Variants in EPB41L3 observed in about 807,000 individuals in gnomAD.
EPB41L3 encodes band 4.1-like protein 3.
Under a neutral mutation model 127.1 loss-of-function variants are expected in EPB41L3, and 57 were observed. The observed-to-expected ratio is 0.45, with a 90% CI of 0.36 to 0.56. The LOEUF (loss-of-function observed/expected upper bound fraction) is 0.56, where lower values mean the gene tolerates loss of function less well. Ranked by LOEUF, EPB41L3 falls within the 20% of genes least tolerant of loss-of-function variation. The probability of loss-of-function intolerance (pLI) is 0.00; values close to 1 mark genes in which losing one functional copy is unlikely to be tolerated. For missense variants in EPB41L3, 1,273 were observed against 1,372.2 expected, an observed-to-expected ratio of 0.93 and a Z score of 1.14; for synonymous variants, 572 against 549.5, an observed-to-expected ratio of 1.04 and a Z score of -0.57.
At position 5,433,969 on chromosome 18, in the gene EPB41L3, A is replaced by G; in HGVS notation, c.758T>C (p.Phe253Ser). The G allele has an allele frequency of 6.2e-7, 1 of 1,614,152 alleles. No homozygotes were observed. Among genetic ancestry groups the G allele is most frequent in the Non-Finnish European group, 8.5e-7 (1 of 1,180,030 alleles). ...TTTAGTGTGGTTTGGTGCAAAGCGG[A>G]ACTCACTAATGTAATCGCTCCCACA... is the stretch of plus-strand genomic sequence containing the variant. ...DECGSDYISE[F>S]RFAPNHTKEL... Residue 253 changes from phenylalanine (F) to serine (S), a missense_variant, in exon 7 of 23, where the codon TTC becomes TCC. Physicochemically the swap from Phe to Ser is radical, Grantham distance 155. Around this residue, in one of 3 missense-constraint regions of EPB41L3, gnomAD observed 326 missense variants for 440.2 expected, o/e 0.74. Coordinates refer to ENST00000341928, the MANE Select transcript of EPB41L3 (RefSeq NM_012307.5).
intron 2 of EPB41L3, among the ~76,000 whole-genome samples, chr18:5,488,006 A>G (rs2090053117): frequency 6.6e-6 from 1 of 152,142 alleles, no homozygotes. Flanking sequence ...CCACATACAA[A>G]TCGGCACTCT....
At chr18:5,574,061 C>T (rs969014730) in intron 3 of EPB41L3, among the ~76,000 whole-genome samples, 3 of 152,040 alleles carry the variant, frequency 2.0e-5, no homozygotes, top group Non-Finnish European at 4.4e-5. Flanking sequence ...CAGGCACGCA[C>T]CACCTTTTAA....
Position 5,396,332 on chromosome 18 carries a change from A to C in EPB41L3, c.2842T>G (p.Ser948Ala). The change falls in exon 19 of 23, where the codon TCC (serine) becomes GCC (alanine). Residue 948 changes from serine (S) to alanine (A), a missense_variant and splice_region_variant. By Grantham distance (99) the Ser-to-Ala change is moderately conservative (BLOSUM62 1). Around this residue, in one of 3 missense-constraint regions of EPB41L3, gnomAD observed 765 missense variants for 782.9 expected, o/e 0.98. Transcript: ENST00000341928. The part of the protein sequence containing the change: ...ETLEQKPHFE[S>A]STVKTETISF... ...ATGGTTTCCGTCTTCACCGTTGAGG[A>C]CTGTGCCAAAGGGGAGTAAGCAGAG... is the stretch of plus-strand genomic sequence containing the variant. 1 of 1,614,112 alleles carries C rather than the reference A, an allele frequency of 6.2e-7. No homozygotes were observed. Among genetic ancestry groups the C allele is most frequent in the Non-Finnish European group, 8.5e-7 (1 of 1,180,018 alleles).
intron 3 of EPB41L3, among the ~76,000 whole-genome samples, chr18:5,568,858 T>C (rs1314873510): frequency 6.6e-6 from 1 of 152,212 alleles, no homozygotes; most frequent in Non-Finnish European, 1.5e-5. Flanking sequence ...ATGGCCCTAA[T>C]ATGTTCTGAA....
chr18:5,447,681 G>A (rs2081697956), intron 3 of EPB41L3, among the ~76,000 whole-genome samples: 1 of 151,996 alleles, frequency 6.6e-6, no homozygotes, highest in Admixed American at 6.5e-5. Flanking sequence ...CAGGCGCCCT[G>A]GTTACAGTTC....
intron 1 of EPB41L3, among the ~76,000 whole-genome samples, chr18:5,499,829 G>GTGTATATATATATATATATATATATATA (rs563662904): frequency 3.2e-5 from 4 of 124,614 alleles, no homozygotes; most frequent in African/African-American, 1.2e-4. Flanking sequence ...CTATGTGTGT[G>GTGTATATATATATATATATATATATATA]TATATATATA....
At chr18:5,511,132 C>G (rs2092489401) in intron 1 of EPB41L3, among the ~76,000 whole-genome samples, 1 of 152,040 alleles carries the variant, frequency 6.6e-6, no homozygotes, top group African/African-American at 2.4e-5. Context: ...CCTTCATTCT[C>G]AATTAACCAG....
At chr18:5,473,867 C>G (rs962233024) in intron 3 of EPB41L3, among the ~76,000 whole-genome samples, 2 of 152,010 alleles carry the variant, frequency 1.3e-5, no homozygotes, top group Non-Finnish European at 1.5e-5. Context: ...AAATATATAT[C>G]AAGTTCGCTA....
At chr18:5,428,998 C>T (rs2078609354) in intron 8 of EPB41L3, among the ~76,000 whole-genome samples, 2 of 152,024 alleles carry the variant, frequency 1.3e-5, no homozygotes, top group Admixed American at 6.6e-5. Context: ...GGTTGTTGTT[C>T]CTTTAAAAAG....
At chr18:5,609,783 G>T (rs1387252713) in intron 3 of EPB41L3, among the ~76,000 whole-genome samples, 1 of 138,860 alleles carries the variant, frequency 7.2e-6, no homozygotes, top group African/African-American at 2.5e-5. Context: ...CTGAACAAGA[G>T]TCTTAGAAAA....
intron 3 of EPB41L3, among the ~76,000 whole-genome samples, chr18:5,571,922 G>A (rs1417150570): frequency 6.6e-6 from 1 of 152,188 alleles, no homozygotes; most frequent in Non-Finnish European, 1.5e-5. Flanking sequence ...AAGGATATAG[G>A]GACTGCCTGT....
At position 5,424,281 on chromosome 18, in the gene EPB41L3, C is replaced by T; in HGVS notation, c.1144G>A (p.Glu382Lys). The change falls in exon 10 of 23, where the codon GAG (glutamate) becomes AAG (lysine). Residue 382 changes from glutamate (E) to lysine (K), a missense_variant. Glu to Lys is a moderately conservative substitution (Grantham distance 56, BLOSUM62 1). Around this residue, in one of 3 missense-constraint regions of EPB41L3, gnomAD observed 326 missense variants for 440.2 expected, o/e 0.74. Coordinates refer to ENST00000341928, the MANE Select transcript of EPB41L3 (RefSeq NM_012307.5). ...TCCTACCTGAAAAATGTATGATGCT[C>T]AACACATACTTTCCATAAACGCTTG... is the stretch of plus-strand genomic sequence containing the variant. ...AAKRLWKVCV[E>K]HHTFFRLLLP... 1.9e-6 allele frequency: 3 copies of T among 1,604,774 alleles called. No individual in the cohort carries two copies. Among genetic ancestry groups the T allele is most frequent in the Non-Finnish European group, 2.6e-6 (3 of 1,175,980 alleles).
At chr18:5,627,616 T>C (rs2094936310) in intron 1 of EPB41L3, among the ~76,000 whole-genome samples, 1 of 152,238 alleles carries the variant, frequency 6.6e-6, no homozygotes. Flanking sequence ...TAATAATGAT[T>C]GACCTAAAAA....
At chr18:5,421,701 C>T (rs911866495) in intron 11 of EPB41L3, among the ~76,000 whole-genome samples, 1 of 152,170 alleles carries the variant, frequency 6.6e-6, no homozygotes, top group Non-Finnish European at 1.5e-5. Flanking sequence ...CATTATTCTA[C>T]ATGAAGTAAC....
intron 1 of EPB41L3, among the ~76,000 whole-genome samples, chr18:5,520,980 C>T (rs1225285169): frequency 6.6e-6 from 1 of 152,188 alleles, no homozygotes; most frequent in African/African-American, 2.4e-5. Flanking sequence ...ATAACCCACA[C>T]ACCACTCCTT....
intron 3 of EPB41L3, among the ~76,000 whole-genome samples, chr18:5,564,069 A>C (rs2094167923): frequency 6.6e-6 from 1 of 152,184 alleles, no homozygotes; most frequent in Non-Finnish European, 1.5e-5. Flanking sequence ...GTCTTGTACA[A>C]AAAGAAGGGC....
intron 1 of EPB41L3, among the ~76,000 whole-genome samples, chr18:5,616,692 T>C (rs1407868276): frequency 1.3e-5 from 2 of 152,134 alleles, no homozygotes; most frequent in Admixed American, 6.5e-5. Flanking sequence ...TACACATTTT[T>C]CTAAACAATA....
chr18:5,394,629 G>T, intron 22 of EPB41L3, 48 bp downstream of exon 22: 1 of 1,434,274 alleles, frequency 7.0e-7, no homozygotes, highest in Non-Finnish European at 9.8e-7. Flanking sequence ...AGTGCCCCAT[G>T]CCTCATGCCA....
At chr18:5,460,555 G>A (rs527296792) in intron 3 of EPB41L3, among the ~76,000 whole-genome samples, 1 of 152,310 alleles carries the variant, frequency 6.6e-6, no homozygotes, top group Non-Finnish European at 1.5e-5. Context: ...ATAATGAGGA[G>A]CATAATCTCA....
Sources: allele counts gnomAD v4.1 joint callset (sites outside exome capture counted in the v4.1 genomes callset), GRCh38; gene constraint gnomAD v4.1.1; regional missense constraint gnomAD v4.1.1; transcripts MANE v1.5; gene names NCBI Gene and HGNC (gene_info 2026-07-23, HGNC 2026-07-21).